The following QSOX2 variants were observed in gnomAD, a reference collection of about 807,000 sequenced individuals.
QSOX2 encodes sulfhydryl oxidase 2.
In QSOX2, 46 loss-of-function variants were observed where a neutral mutation model predicts 61.7. The observed-to-expected ratio is 0.75, with a 90% confidence interval of 0.59 to 0.95. The LOEUF is 0.95. QSOX2 is among the 40% of genes least tolerant of loss of function. The pLI is 0.00. For missense variants in QSOX2, 879 were observed against 918.9 expected (o/e 0.96, Z 0.56); for synonymous variants, 383 against 388.4 (o/e 0.99, Z 0.16).
intron 10 of QSOX2, among the ~76,000 whole-genome samples, chr9:136,214,394 G>C (rs1011581927): frequency 6.6e-6 from 1 of 152,238 alleles, no homozygotes; most frequent in African/African-American, 2.4e-5. Context: ...GGACTGACTA[G>C]TAAGCAGAAT....
chr9:136,220,681 C>T (rs932802502), intron 6 of QSOX2, among the ~76,000 whole-genome samples: 3 of 152,168 alleles, frequency 2.0e-5, no homozygotes, highest in Non-Finnish European at 4.4e-5. Flanking sequence ...AGCCTCAGGA[C>T]GTTACTTAAC....
chr9:136,235,446 C>T (rs767290541), intron 1 of QSOX2, among the ~76,000 whole-genome samples: 11 of 152,180 alleles, frequency 7.2e-5, no homozygotes, highest in South Asian at 2.1e-4. Context: ...GGGAGGCGGC[C>T]GCGGGAGCAC....
intron 6 of QSOX2, 103 bp from the exon 7 acceptor site, chr9:136,219,267 T>C (rs1831953063): frequency 1.4e-6 from 2 of 1,401,152 alleles, no homozygotes; most frequent in East Asian, 2.4e-5. Flanking sequence ...CTTTCATCCT[T>C]TGGGCATTTA....
At chr9:136,226,276 G>A (rs560055870) in intron 2 of QSOX2, among the ~76,000 whole-genome samples, 2 of 152,362 alleles carry the variant, frequency 1.3e-5, no homozygotes, top group African/African-American at 4.8e-5. Context: ...CAGGGTCACA[G>A]GTACCTCCGC....
At chr9:136,241,825 G>A (rs1006735652) in intron 1 of QSOX2, among the ~76,000 whole-genome samples, 13 of 152,226 alleles carry the variant, frequency 8.5e-5, no homozygotes, top group Admixed American at 2.6e-4. Context: ...TGTGGGTGGT[G>A]GCCTGCCCTG....
chr9:136,241,298 C>T (rs914986025), intron 1 of QSOX2, among the ~76,000 whole-genome samples: 5 of 152,258 alleles, frequency 3.3e-5, no homozygotes, highest in African/African-American at 1.2e-4. Context: ...GCAGCTCTCA[C>T]GGGCCGTCAG....
At chr9:136,228,185 C>T (rs547580332) in intron 1 of QSOX2, among the ~76,000 whole-genome samples, 4 of 152,234 alleles carry the variant, frequency 2.6e-5, no homozygotes, top group East Asian at 1.9e-4. Flanking sequence ...CAGAGGCAAG[C>T]GACGCCTCTC....
rs1216951826 is a variant in QSOX2 at position 136,230,715 on chromosome 9, CAAGACTT to C, written c.329-3848_329-3842del. On this transcript the variant is annotated intron_variant, in intron 1 of 11. Coordinates refer to ENST00000358701, the MANE Select transcript of QSOX2 (RefSeq NM_181701.4). ...ATGATAAGCCAGTAAACACTCAAAT[CAAGACTT>C]AAGTACATAATTCTAACATTCTGAA... 7.9e-5 allele frequency among the ~76,000 whole-genome samples: 12 copies of C among 152,334 alleles called. No individual in the cohort carries two copies. In the South Asian group the frequency reaches 2.3e-3, roughly 29 times the overall value.
chr9:136,210,221 C>G, intron 11 of QSOX2: 2 of 985,464 alleles, frequency 2.0e-6, no homozygotes, highest in Non-Finnish European at 2.4e-6. Flanking sequence ...CAGCCCTGGG[C>G]AGAAGACCCC....
chr9:136,209,790 A>C lies in QSOX2; in HGVS notation c.1550-515T>G. 1.0e-6 allele frequency: 1 copy of C among 985,190 alleles called. No homozygotes were observed. Among genetic ancestry groups the C allele is most frequent in the Non-Finnish European group, 1.2e-6 (1 of 829,854 alleles). 61.0% of individuals were successfully genotyped at this position (985,190 alleles called of 1,614,324 possible). ...TTCAGGAAAGGGCAGAGGGGCAGCAATGAATTTCCACTGCACTTCAGGTAC... is the reference window on the plus strand; with the variant it reads ...TTCAGGAAAGGGCAGAGGGGCAGCACTGAATTTCCACTGCACTTCAGGTAC... On this transcript the variant is annotated intron_variant, in intron 11 of 11. Transcript: ENST00000358701. This position sits in a 1 kb window ranked among gnomAD's most constrained non-coding sequence, Gnocchi z 5.6.
chr9:136,213,404 C>T (rs564702608), intron 10 of QSOX2, among the ~76,000 whole-genome samples: 14 of 151,888 alleles, frequency 9.2e-5, no homozygotes, highest in Non-Finnish European at 1.3e-4. Context: ...GGCATTCGGT[C>T]GGAATCAGGT....
rs61743505 is a variant in QSOX2 at position 136,211,182 on chromosome 9, G to A, written c.1549+82C>T. 7.6e-3 allele frequency: 11,044 copies of A among 1,449,332 alleles called. 527 individuals carry two copies. The African/African-American group carries it at 0.12, about 15-fold the overall frequency. 89.8% of individuals were successfully genotyped at this position (1,449,332 alleles called of 1,614,324 possible). A position where few individuals can be genotyped will look rare whatever the true frequency, so the allele number is the denominator to read the frequency against. On this transcript the variant is annotated intron_variant, in intron 11 of 11. Coordinates refer to ENST00000358701, the MANE Select transcript of QSOX2 (RefSeq NM_181701.4). ...CGCAAAGCTCAGGGACAAGCCCCACGGCAGCCGTGCCGTCCTTGCTGTCCC... is the reference window on the plus strand; with the variant it reads ...CGCAAAGCTCAGGGACAAGCCCCACAGCAGCCGTGCCGTCCTTGCTGTCCC...
At position 136,209,779 on chromosome 9, in the gene QSOX2, G is replaced by C. The variant is rs1349573368; in HGVS notation, c.1550-504C>G. ...TTAGGTGCACCTTCAGGAAAGGGCAGAGGGGCAGCAATGAATTTCCACTGC... is the reference window on the plus strand; with the variant it reads ...TTAGGTGCACCTTCAGGAAAGGGCACAGGGGCAGCAATGAATTTCCACTGC... On this transcript the variant is annotated intron_variant, in intron 11 of 11. Transcript: ENST00000358701. This position sits in a 1 kb window ranked among gnomAD's most constrained non-coding sequence, Gnocchi z 5.6. 3.0e-6 allele frequency: 3 copies of C among 985,096 alleles called. No homozygotes were observed. In the East Asian group the frequency reaches 3.4e-4, roughly 113 times the overall value. The allele number at this position is 985,096 out of a possible 1,614,324, so 61.0% of individuals were successfully genotyped here.
At chr9:136,214,665 G>A (rs1375557087) in intron 10 of QSOX2, among the ~76,000 whole-genome samples, 1 of 152,218 alleles carries the variant, frequency 6.6e-6, no homozygotes, top group Non-Finnish European at 1.5e-5. Flanking sequence ...CACTCCGACT[G>A]CAGCCTGACC....
chr9:136,234,219 G>A lies in QSOX2; in HGVS notation c.329-7345C>T, dbSNP rs116489093. On this transcript the variant is annotated intron_variant, in intron 1 of 11. Coordinates refer to ENST00000358701, the MANE Select transcript of QSOX2 (RefSeq NM_181701.4). ...TCTTCTCTAGCTTCCTTTACTGTAA[G>A]AACACAGTACGGAACACGTGTAACA... is the stretch of plus-strand genomic sequence containing the variant. Among the ~76,000 whole-genome samples, 1,135 of 152,346 alleles carry A rather than the reference G, an allele frequency of 7.5e-3. 19 individuals carry two copies. The highest frequency in any genetic ancestry group is 0.026 in the African/African-American group (1,073 of 41,572).
At chr9:136,219,280 G>A in intron 6 of QSOX2, 116 bp from the exon 7 acceptor site, 1 of 1,299,496 alleles carries the variant, frequency 7.7e-7, no homozygotes, top group Non-Finnish European at 1.0e-6. Flanking sequence ...GGCATTTATT[G>A]GGGCATGGGA....
intron 1 of QSOX2, among the ~76,000 whole-genome samples, chr9:136,235,190 T>C (rs935639906): frequency 6.6e-6 from 1 of 152,122 alleles, no homozygotes; most frequent in Non-Finnish European, 1.5e-5. Context: ...GGAAGATCCA[T>C]CTCCCAAGGG....
In QSOX2 at chr9:136,209,274, G is replaced by A. The variant is rs200543240; in HGVS notation, c.1551C>T (p.Gly517=). The A allele has an allele frequency of 1.2e-6, 2 of 1,609,410 alleles. No homozygotes were observed. The highest frequency in any genetic ancestry group is 2.2e-5 in the East Asian group (1 of 44,736). Residue 517 remains glycine, a splice_region_variant and synonymous_variant, in exon 12 of 12, where the codon GGC becomes GGT. Transcript: ENST00000358701. The surrounding 1 kb of genome is among the most constrained non-coding windows in gnomAD (Gnocchi z 5.6). The part of the protein sequence containing the change: ...KHNMVNGRLA[G]HLSEDPRFPK... ...GAAACCGGGGATCCTCACTCAGATG[G>A]CCTAGGAAGAAAAGGAAGCGGGAGA...
intron 1 of QSOX2, among the ~76,000 whole-genome samples, chr9:136,236,710 C>T (rs1343000675): frequency 2.0e-5 from 3 of 151,880 alleles, no homozygotes; most frequent in East Asian, 1.9e-4. Flanking sequence ...CCTGTGCCTG[C>T]GTCACGTGGA....
Sources: gnomAD v4.1 joint callset for allele counts (sites outside exome capture counted in the v4.1 genomes callset) on GRCh38, gnomAD v4.1.1 for gene constraint, Gnocchi (gnomAD v3.1) non-coding constraint, MANE v1.5 for transcripts, NCBI Gene and HGNC (gene_info 2026-07-23, HGNC 2026-07-21) for gene names.